Variants in DLG2 observed in about 807,000 individuals in gnomAD.
DLG2 encodes disks large homolog 2.
A neutral mutation model predicts 132.5 loss-of-function variants in DLG2; 45 were observed. The observed-to-expected ratio is 0.34, with a 90% CI of 0.27 to 0.44. DLG2 has a LOEUF of 0.44. DLG2 is among the 20% of genes least tolerant of loss of function. The pLI is 1.00. For missense variants in DLG2, 1,045 were observed against 1,196.9 expected (o/e 0.87, Z 1.87); for synonymous variants, 424 against 419.6 (o/e 1.01, Z -0.13).
chr11:85,401,853 A>C (rs1221570751), intron 3 of DLG2, among the ~76,000 whole-genome samples: 1 of 152,218 alleles, frequency 6.6e-6, no homozygotes, highest in Non-Finnish European at 1.5e-5. Context: ...ACACAAAAAA[A>C]TGGAAGAACA....
chr11:85,441,631 C>T (rs1372879139), intron 3 of DLG2, among the ~76,000 whole-genome samples: 2 of 152,254 alleles, frequency 1.3e-5, no homozygotes, highest in South Asian at 2.1e-4. Flanking sequence ...GGTTCCCACT[C>T]TTGTGGACTT....
intron 6 of DLG2, among the ~76,000 whole-genome samples, chr11:84,547,139 A>G (rs979417291): frequency 9.9e-5 from 15 of 152,192 alleles, no homozygotes; most frequent in Admixed American, 2.6e-4. Flanking sequence ...CATGGAAGGC[A>G]CTTAGAAGAG....
intron 19 of DLG2, among the ~76,000 whole-genome samples, chr11:83,589,238 G>C (rs2097145646): frequency 1.3e-5 from 2 of 151,794 alleles, no homozygotes; most frequent in South Asian, 4.2e-4. Context: ...GGCAGCCAGA[G>C]AGAAAGGTCG....
intron 6 of DLG2, among the ~76,000 whole-genome samples, chr11:85,039,708 A>G (rs72959720): frequency 2.6e-3 from 397 of 152,050 alleles, no homozygotes; most frequent in Non-Finnish European, 4.7e-3. Flanking sequence ...AATGGATAAA[A>G]AAAAAGTACA....
chr11:84,913,985 G>A (rs567737725), intron 6 of DLG2, among the ~76,000 whole-genome samples: 104 of 152,218 alleles, frequency 6.8e-4, no homozygotes, highest in African/African-American at 2.4e-3. Flanking sequence ...CAGGCTCACT[G>A]TAAACTCCTT....
intron 18 of DLG2, among the ~76,000 whole-genome samples, chr11:83,669,335 C>T (rs1293048153): frequency 6.6e-6 from 1 of 152,150 alleles, no homozygotes; most frequent in Non-Finnish European, 1.5e-5. Context: ...GAGTATGTTT[C>T]TGCTGAAAAG....
chr11:83,470,947 C>A (rs1228877251), intron 24 of DLG2, among the ~76,000 whole-genome samples: 1 of 151,940 alleles, frequency 6.6e-6, no homozygotes, highest in Non-Finnish European at 1.5e-5. Context: ...TTCTGTTTGA[C>A]AGAGTCGGGG....
chr11:84,333,395 A>G (rs1286347040), intron 7 of DLG2, among the ~76,000 whole-genome samples: 2 of 152,242 alleles, frequency 1.3e-5, no homozygotes, highest in Non-Finnish European at 2.9e-5. Context: ...GGTTTGGTCC[A>G]TGACTGATTT....
intron 7 of DLG2, among the ~76,000 whole-genome samples, chr11:84,386,108 T>C (rs2098768981): frequency 6.6e-6 from 1 of 152,042 alleles, no homozygotes; most frequent in Non-Finnish European, 1.5e-5. Flanking sequence ...ATATATGTAT[T>C]TGTATTTCCA....
intron 15 of DLG2, among the ~76,000 whole-genome samples, chr11:83,889,195 G>A (rs1025252543): frequency 5.4e-4 from 82 of 151,962 alleles, no homozygotes; most frequent in African/African-American, 1.4e-3. Flanking sequence ...GAAAATTTTC[G>A]CAACCTACTC....
rs58641079 is a variant in DLG2, at chr11:84,178,347, G to T, written c.574-14836C>A. Among the ~76,000 whole-genome samples the T allele has an allele frequency of 8.8e-3, 1,344 of 152,190 alleles. 21 individuals carry two copies. Among genetic ancestry groups the T allele is most frequent in the African/African-American group, 0.03 (1,262 of 41,518 alleles). ...GCCAGAAATTTAACAGAACAATTTG[G>T]GTACTTAGAGAGTTATGTCAGGCTT... On this transcript the variant is annotated intron_variant, in intron 8 of 27. Transcript: ENST00000376104.
chr11:83,612,948 T>C (rs1406603250), intron 19 of DLG2, among the ~76,000 whole-genome samples: 4 of 152,176 alleles, frequency 2.6e-5, no homozygotes, highest in Non-Finnish European at 5.9e-5. Context: ...ATGTTTTAAA[T>C]AGATGGAGAA....
chr11:84,747,917 C>A (rs1389774912), intron 6 of DLG2, among the ~76,000 whole-genome samples: 2 of 152,122 alleles, frequency 1.3e-5, no homozygotes, highest in Non-Finnish European at 2.9e-5. Flanking sequence ...AACAGCCAGG[C>A]CCCACTTATC....
intron 6 of DLG2, among the ~76,000 whole-genome samples, chr11:84,714,657 C>CTCTCTCTCTCTCTCTCTCTCTT (rs1565751150): frequency 3.5e-5 from 5 of 143,570 alleles, no homozygotes; most frequent in African/African-American, 1.4e-4. Context: ...TTCTCTCTCT[C>CTCTCTCTCTCTCTCTCTCTCTT]TCTCTCTCTC....
At chr11:85,138,136 A>G (rs2076242211) in intron 5 of DLG2, among the ~76,000 whole-genome samples, 1 of 152,166 alleles carries the variant, frequency 6.6e-6, no homozygotes, top group African/African-American at 2.4e-5. Context: ...ATGATATTCA[A>G]TTGTATGGAC....
Position 85,522,812 on chromosome 11 carries a change from C to A in DLG2, c.40+75845G>T, listed in dbSNP as rs2074421613. Among the ~76,000 whole-genome samples the A allele has an allele frequency of 3.3e-5, 5 of 152,208 alleles. No homozygotes were observed. In the South Asian group the frequency reaches 1.0e-3, roughly 32 times the overall value. On this transcript the variant is annotated intron_variant, in intron 3 of 27. Transcript: ENST00000376104. Reference sequence around the variant, plus strand: ...TGGATTTACCCAATGCCTGTACCCCCATTGAATCTAGGAAGTATCTAACTT... The same window carrying A: ...TGGATTTACCCAATGCCTGTACCCCAATTGAATCTAGGAAGTATCTAACTT...
intron 6 of DLG2, among the ~76,000 whole-genome samples, chr11:84,651,781 A>G (rs1171576855): frequency 2.0e-5 from 3 of 152,222 alleles, no homozygotes; most frequent in Non-Finnish European, 4.4e-5. Flanking sequence ...AGAGACATCT[A>G]TAACTTTGCT....
chr11:84,997,772 G>A (rs1451955346), intron 6 of DLG2: 4 of 152,182 alleles, frequency 2.6e-5, no homozygotes, highest in African/African-American at 9.6e-5. Context: ...AGCATGGCAG[G>A]GACATTGTAG....
chr11:85,607,149 T>A (rs978733284), intron 2 of DLG2, among the ~76,000 whole-genome samples: 10 of 152,164 alleles, frequency 6.6e-5, no homozygotes, highest in African/African-American at 2.4e-4. Flanking sequence ...TTCCTTAGAA[T>A]TCAGGGGCTA....
Sources: gnomAD v4.1 joint callset for allele counts (sites outside exome capture counted in the v4.1 genomes callset) on GRCh38, gnomAD v4.1.1 for gene constraint, MANE v1.5 for transcripts, NCBI Gene and HGNC (gene_info 2026-07-23, HGNC 2026-07-21) for gene names.